R3HCC1L: variants seen among roughly 807,000 people sequenced by gnomAD.
R3HCC1L encodes the protein R3H domain and coiled-coil containing 1 like.
Under a neutral mutation model 59.9 loss-of-function variants are expected in R3HCC1L, and 51 were observed. That is an observed-to-expected ratio of 0.85 (90% CI 0.68 to 1.07). R3HCC1L has a LOEUF of 1.07. R3HCC1L is among the 50% of genes least tolerant of loss of function. The pLI is 0.00. For missense variants in R3HCC1L, 965 were observed against 933.0 expected (o/e 1.03, Z -0.45); for synonymous variants, 322 against 315.2 (o/e 1.02, Z -0.23).
intron 4 of R3HCC1L, among the ~76,000 whole-genome samples, chr10:98,170,640 T>G (rs1353583982): frequency 2.0e-5 from 3 of 152,184 alleles, no homozygotes; most frequent in Non-Finnish European, 4.4e-5. Context: ...CTATAAGATT[T>G]GAAGATAGGT....
At chr10:98,231,381 CAG>C (rs1442830614) in intron 5 of R3HCC1L, 129 bp from the exon 6 acceptor site, 2 of 815,946 alleles carry the variant, frequency 2.5e-6, no homozygotes, top group Non-Finnish European at 3.8e-6. Flanking sequence ...AGAATTAATA[CAG>C]AGACTATGCC....
intron 5 of R3HCC1L, among the ~76,000 whole-genome samples, chr10:98,229,645 C>T (rs532389182): frequency 9.2e-5 from 14 of 152,322 alleles, no homozygotes; most frequent in African/African-American, 2.9e-4. Flanking sequence ...GAGAGGGCAT[C>T]CCTGTCTTGT....
intron 4 of R3HCC1L, among the ~76,000 whole-genome samples, chr10:98,196,436 T>C (rs544127848): frequency 4.3e-4 from 66 of 152,256 alleles, no homozygotes; most frequent in African/African-American, 9.9e-4. Context: ...TTTATCTTAT[T>C]TTATTTGTAT....
chr10:98,242,344 A>G (rs1472608435), intron 9 of R3HCC1L, among the ~76,000 whole-genome samples: 3 of 152,268 alleles, frequency 2.0e-5, no homozygotes, highest in East Asian at 1.9e-4. Context: ...GCGAGACTCC[A>G]TCTCCAAAAA....
intron 1 of R3HCC1L, among the ~76,000 whole-genome samples, chr10:98,152,513 T>C (rs1460881232): frequency 2.0e-3 from 183 of 92,718 alleles, no homozygotes; most frequent in Admixed American, 4.7e-3. Context: ...GTGAGGAGCG[T>C]CTCTGCCCGG....
intron 1 of R3HCC1L, among the ~76,000 whole-genome samples, chr10:98,137,181 A>T (rs1367129970): frequency 2.0e-5 from 3 of 152,244 alleles, no homozygotes; most frequent in Non-Finnish European, 4.4e-5. Context: ...ACTGTGCTCC[A>T]GCCTGGCGAC....
chr10:98,223,466 A>G (rs897061509), intron 5 of R3HCC1L, among the ~76,000 whole-genome samples: 3 of 150,966 alleles, frequency 2.0e-5, no homozygotes, highest in African/African-American at 7.3e-5. Flanking sequence ...GTGTTCTTTC[A>G]TTCATATCTG....
chr10:98,149,385 T>C (rs1488639332), intron 1 of R3HCC1L, among the ~76,000 whole-genome samples: 1 of 152,160 alleles, frequency 6.6e-6, no homozygotes, highest in Non-Finnish European at 1.5e-5. Flanking sequence ...TTTCTTTCCT[T>C]CTACTAATTT....
chr10:98,235,435 G>A lies in R3HCC1L; in HGVS notation c.2043G>A (p.Ala681=), dbSNP rs747499030. The A allele has an allele frequency of 8.7e-6, 14 of 1,613,022 alleles. No individual in the cohort carries two copies. Among genetic ancestry groups the A allele is most frequent in the Admixed American group, 8.4e-5 (5 of 59,864 alleles). Residue 681 remains alanine, a synonymous_variant, in exon 8 of 10, where the codon GCG becomes GCA. Coordinates refer to ENST00000298999, the MANE Select transcript of R3HCC1L (RefSeq NM_001351015.2). ...TATTCCTCTTTGCAGCTCGTGATGC[G>A]TTGGGTATTAAACACACCATGGTGA... ...VFSSPITARD[A]LGIKHTMVKI... is the part of the protein sequence containing the mutation.
At chr10:98,135,379 C>T (rs1383791335) in intron 1 of R3HCC1L, among the ~76,000 whole-genome samples, 1 of 152,214 alleles carries the variant, frequency 6.6e-6, no homozygotes, top group East Asian at 1.9e-4. Context: ...TTTAGCGCAG[C>T]CTCGGTTTCG....
At chr10:98,224,856 A>G (rs1855492734) in intron 5 of R3HCC1L, among the ~76,000 whole-genome samples, 1 of 152,254 alleles carries the variant, frequency 6.6e-6, no homozygotes, top group African/African-American at 2.4e-5. Flanking sequence ...TTGCCCAAAT[A>G]CATGTGATTC....
At chr10:98,188,500 T>C (rs1314635796) in intron 4 of R3HCC1L, among the ~76,000 whole-genome samples, 1 of 152,168 alleles carries the variant, frequency 6.6e-6, no homozygotes, top group African/African-American at 2.4e-5. Context: ...GGATCCATTA[T>C]AGGATAGGCT....
intron 4 of R3HCC1L, chr10:98,186,568 T>C: frequency 1.1e-6 from 1 of 928,504 alleles, no homozygotes; most frequent in Non-Finnish European, 1.3e-6. Context: ...CCTAAGGTAG[T>C]GACCATTGCC....
chr10:98,185,005 G>T (rs1401328872), intron 4 of R3HCC1L, among the ~76,000 whole-genome samples: 3 of 151,904 alleles, frequency 2.0e-5, no homozygotes, highest in Non-Finnish European at 4.4e-5. Flanking sequence ...TTTTGTGCTG[G>T]GTTCAAGAAA....
intron 5 of R3HCC1L, among the ~76,000 whole-genome samples, chr10:98,211,557 G>A (rs142810398): frequency 4.6e-5 from 7 of 152,166 alleles, no homozygotes; most frequent in African/African-American, 1.2e-4. Context: ...AACAGTGTTC[G>A]CAAGAGTTGG....
intron 4 of R3HCC1L, among the ~76,000 whole-genome samples, chr10:98,167,611 C>A (rs1056490099): frequency 1.3e-5 from 2 of 152,222 alleles, no homozygotes; most frequent in African/African-American, 4.8e-5. Context: ...GACTAGCATT[C>A]TGGGCTATGC....
At chr10:98,207,856 A>AAAAC (rs746119883) in intron 4 of R3HCC1L, among the ~76,000 whole-genome samples, 1 of 152,112 alleles carries the variant, frequency 6.6e-6, no homozygotes, top group Admixed American at 6.5e-5. Context: ...CAGAAATACA[A>AAAAC]AAACAAACAA....
intron 5 of R3HCC1L, among the ~76,000 whole-genome samples, chr10:98,217,806 A>ATT (rs969386885): frequency 2.8e-5 from 4 of 141,038 alleles, no homozygotes; most frequent in African/African-American, 5.3e-5. Context: ...TTCTTTCTTG[A>ATT]TTTTTTTTTT....
At chr10:98,220,756 A>G (rs1309008383) in intron 5 of R3HCC1L, among the ~76,000 whole-genome samples, 1 of 151,892 alleles carries the variant, frequency 6.6e-6, no homozygotes, top group East Asian at 1.9e-4. Context: ...TATGTGCCAC[A>G]ATTTCTTAAT....
Sources: allele counts gnomAD v4.1 joint callset (sites outside exome capture counted in the v4.1 genomes callset), GRCh38; gene constraint gnomAD v4.1.1; transcripts MANE v1.5; gene names NCBI Gene and HGNC (gene_info 2026-07-23, HGNC 2026-07-21).